BCAS3: variants seen among roughly 807,000 people sequenced by gnomAD.
BCAS3 encodes BCAS4/BCAS3 fusion.
Under a neutral mutation model 116.1 loss-of-function variants are expected in BCAS3, and 53 were observed. That is an observed-to-expected ratio of 0.46 (90% confidence interval 0.37 to 0.57). BCAS3 has a LOEUF of 0.57. BCAS3 is among the 20% of genes least tolerant of loss of function. The probability of loss-of-function intolerance (pLI) is 0.00; values close to 1 mark genes in which losing one functional copy is unlikely to be tolerated. For missense variants in BCAS3, 917 were observed against 1,165.4 expected, an observed-to-expected ratio of 0.79 and a Z score of 3.10; for synonymous variants, 391 against 408.2, an observed-to-expected ratio of 0.96 and a Z score of 0.51.
chr17:60,710,727 G>C (rs1291358263), intron 5 of BCAS3, among the ~76,000 whole-genome samples: 5 of 150,582 alleles, frequency 3.3e-5, no homozygotes, highest in African/African-American at 1.2e-4. Flanking sequence ...CACCATGCCT[G>C]GCCAACATTT....
At chr17:60,997,294 T>C (rs1170083903) in intron 15 of BCAS3, among the ~76,000 whole-genome samples, 3 of 152,170 alleles carry the variant, frequency 2.0e-5, no homozygotes, top group African/African-American at 7.2e-5. Flanking sequence ...GGGAACCCCT[T>C]GTGTAAAAGA....
Position 61,077,474 on chromosome 17 carries a change from G to A in BCAS3, c.2131-859G>A, listed in dbSNP as rs948159521. The stretch of plus-strand genomic sequence containing the variant: ...GGAGCTTGCAGTGAGCGGAGATCAC[G>A]CCACTGCACTCCAGTCTGGGCAACA... On this transcript the variant is annotated intron_variant, in intron 20 of 23. Transcript: ENST00000407086. The surrounding 1 kb of genome is among the most constrained non-coding windows in gnomAD (Gnocchi z 4.3). 3.9e-5 allele frequency among the ~76,000 whole-genome samples: 6 copies of A among 151,982 alleles called. No homozygotes were observed. The highest frequency in any genetic ancestry group is 1.2e-4 in the African/African-American group (5 of 41,386).
At chr17:60,871,976 A>G (rs573951199) in intron 8 of BCAS3, among the ~76,000 whole-genome samples, 1 of 152,152 alleles carries the variant, frequency 6.6e-6, no homozygotes, top group South Asian at 2.1e-4. Flanking sequence ...TTGGGTTAAC[A>G]TACATTTATG....
At chr17:60,690,702 C>T (rs972876077) in intron 4 of BCAS3, among the ~76,000 whole-genome samples, 2 of 152,044 alleles carry the variant, frequency 1.3e-5, no homozygotes, top group Non-Finnish European at 2.9e-5. Context: ...GGGAGGATCA[C>T]ATGAGGTCAG....
intron 22 of BCAS3, among the ~76,000 whole-genome samples, chr17:61,120,490 C>T (rs1266542198): frequency 6.6e-6 from 1 of 151,958 alleles, no homozygotes; most frequent in Non-Finnish European, 1.5e-5. Context: ...CATTCATGCT[C>T]GCTTTTCCCT....
intron 7 of BCAS3, among the ~76,000 whole-genome samples, chr17:60,831,299 C>G (rs947860286): frequency 6.6e-6 from 1 of 152,138 alleles, no homozygotes; most frequent in Non-Finnish European, 1.5e-5. Context: ...GCCTCAGCCT[C>G]CTGAGTAGCT....
At chr17:60,938,572 A>G (rs1181794593) in intron 13 of BCAS3, among the ~76,000 whole-genome samples, 1 of 152,220 alleles carries the variant, frequency 6.6e-6, no homozygotes, top group African/African-American at 2.4e-5. Flanking sequence ...ACGTAAGGTT[A>G]TATCCTTAAA....
intron 22 of BCAS3, among the ~76,000 whole-genome samples, chr17:61,115,402 C>A (rs1601360562): frequency 6.7e-6 from 1 of 149,880 alleles, no homozygotes; most frequent in African/African-American, 2.4e-5. Context: ...AAGAAAAAAA[C>A]AAACAACCCC....
chr17:61,100,998 A>G (rs1222222169), intron 22 of BCAS3, among the ~76,000 whole-genome samples: 1 of 152,150 alleles, frequency 6.6e-6, no homozygotes, highest in Non-Finnish European at 1.5e-5. Context: ...CGGACCTTGA[A>G]CAGCATCTCA....
At position 61,007,177 on chromosome 17, in the gene BCAS3, C is replaced by G. The variant is rs183121185; in HGVS notation, c.1487-8574C>G. Among the ~76,000 whole-genome samples, 464 of 152,032 alleles carry G rather than the reference C, an allele frequency of 3.1e-3. 1 individual carries two copies. The highest frequency in any genetic ancestry group is 0.017 in the Middle Eastern group (5 of 294). ...TCAGTAGAATTCCTCACAGCTAGTTCTATTATTTTTCCCTTTGTGTTCTTG... is the reference window on the plus strand; with the variant it reads ...TCAGTAGAATTCCTCACAGCTAGTTGTATTATTTTTCCCTTTGTGTTCTTG... On this transcript the variant is annotated intron_variant, in intron 15 of 23. Transcript: ENST00000407086. The surrounding 1 kb of genome is among the most constrained non-coding windows in gnomAD (Gnocchi z 4.3).
intron 2 of BCAS3, among the ~76,000 whole-genome samples, chr17:60,680,846 C>T (rs1432688599): frequency 6.6e-6 from 1 of 152,064 alleles, no homozygotes; most frequent in African/African-American, 2.4e-5. Flanking sequence ...CGGGGTTTTG[C>T]CATTTGGCCA....
Position 61,326,527 on chromosome 17 carries a change from G to A in BCAS3, c.2426-41800G>A, listed in dbSNP as rs2055744850. ...GAAGTCGAGTAGAACATGATGGAAT[G>A]GATTAGGCTGGCCCAGTAGCAAATA... On this transcript the variant is annotated intron_variant, in intron 22 of 23. Coordinates refer to ENST00000407086, the MANE Select transcript of BCAS3 (RefSeq NM_017679.5). The surrounding 1 kb of genome is among the most constrained non-coding windows in gnomAD (Gnocchi z 5.3). 6.6e-6 allele frequency among the ~76,000 whole-genome samples: 1 copy of A among 152,208 alleles called. No individual in the cohort carries two copies. The highest frequency in any genetic ancestry group is 6.5e-5 in the Admixed American group (1 of 15,276).
chr17:60,981,617 A>G (rs1410879162), intron 14 of BCAS3, among the ~76,000 whole-genome samples: 1 of 152,142 alleles, frequency 6.6e-6, no homozygotes, highest in East Asian at 1.9e-4. Flanking sequence ...TAGCAGTGAA[A>G]ACAGACATTT....
At chr17:61,045,941 TA>T (rs1399831771) in intron 19 of BCAS3, among the ~76,000 whole-genome samples, 5 of 17,806 alleles carry the variant, frequency 2.8e-4, no homozygotes, top group East Asian at 3.6e-3. Flanking sequence ...TAAATATATA[TA>T]TTATATATAT....
rs750876037 is a variant in BCAS3 at position 61,008,931 on chromosome 17, G to A, written c.1487-6820G>A. Among the ~76,000 whole-genome samples, 2 of 152,092 alleles carry A rather than the reference G, an allele frequency of 1.3e-5. No homozygotes were observed. Among genetic ancestry groups the A allele is most frequent in the African/African-American group, 4.8e-5 (2 of 41,534 alleles). On this transcript the variant is annotated intron_variant, in intron 15 of 23. Coordinates refer to ENST00000407086, the MANE Select transcript of BCAS3 (RefSeq NM_017679.5). This position sits in a 1 kb window ranked among gnomAD's most constrained non-coding sequence, Gnocchi z 4.6. ...GGGCTTCAGTGTGGCTCAGTAATCC[G>A]ATTTCAAAATGCAAGAGTTCCAAAT...
chr17:60,964,739 G>T lies in BCAS3; in HGVS notation c.1221+17387G>T, dbSNP rs752318691. Among the ~76,000 whole-genome samples, 14 of 151,934 alleles carry T rather than the reference G, an allele frequency of 9.2e-5. 1 individual carries two copies. The highest frequency in any genetic ancestry group is 6.6e-4 in the Admixed American group (10 of 15,258). On this transcript the variant is annotated intron_variant, in intron 14 of 23. Coordinates refer to ENST00000407086, the MANE Select transcript of BCAS3 (RefSeq NM_017679.5). This position sits in a 1 kb window ranked among gnomAD's most constrained non-coding sequence, Gnocchi z 4.6. ...TTGTTACTTGTTATTGGTTTGTTGA[G>T]GTTTTCTGTTTCTTCATGATTCAAT...
rs2065507340 is a variant in BCAS3 at position 61,017,069 on chromosome 17, A to G, written c.1637+1168A>G. 6.6e-6 allele frequency: 1 copy of G among 152,204 alleles called. No homozygotes were observed. The highest frequency in any genetic ancestry group is 2.4e-5 in the African/African-American group (1 of 41,448). The allele number at this position is 152,204 out of a possible 1,614,324, so 9.4% of individuals were successfully genotyped here. ...CCAAATCAGACATCTTAAGGCACCA[A>G]TAATTTGGTCTGTATATCTTTTTAA... On this transcript the variant is annotated intron_variant, in intron 16 of 23. Coordinates refer to ENST00000407086, the MANE Select transcript of BCAS3 (RefSeq NM_017679.5). This position sits in a 1 kb window ranked among gnomAD's most constrained non-coding sequence, Gnocchi z 4.7.
At chr17:61,357,252 A>AT (rs2058190968) in intron 22 of BCAS3, among the ~76,000 whole-genome samples, 2 of 145,074 alleles carry the variant, frequency 1.4e-5, no homozygotes, top group Non-Finnish European at 3.0e-5. Context: ...CAAAAAATAA[A>AT]TAAATAAATA....
intron 22 of BCAS3, among the ~76,000 whole-genome samples, chr17:61,274,133 C>T (rs1438525828): frequency 6.6e-6 from 1 of 151,490 alleles, no homozygotes; most frequent in East Asian, 1.9e-4. Flanking sequence ...CAACAGTCCC[C>T]GGTGTGTGAT....
Sources: gnomAD v4.1 joint callset for allele counts (sites outside exome capture counted in the v4.1 genomes callset) on GRCh38, gnomAD v4.1.1 for gene constraint, Gnocchi (gnomAD v3.1) non-coding constraint, MANE v1.5 for transcripts, NCBI Gene and HGNC (gene_info 2026-07-23, HGNC 2026-07-21) for gene names.